ZNF680: variants seen among roughly 807,000 people sequenced by gnomAD.
The protein encoded by ZNF680 is zinc finger protein 680.
Under a neutral mutation model 12.1 loss-of-function variants are expected in ZNF680, and 6 were observed. The ratio of observed to expected loss-of-function variants is 0.49; its 90% confidence interval spans 0.27 to 0.98. The LOEUF (loss-of-function observed/expected upper bound fraction) is 0.98. ZNF680 is among the 50% of genes least tolerant of loss of function. The pLI is 0.12. For synonymous variants in ZNF680, 170 were observed against 199.3 expected (o/e 0.85, Z 1.24); for missense variants, 561 against 616.3 (o/e 0.91, Z 0.95).
At chr7:64,539,877 G>C (rs1786409283) in intron 3 of ZNF680, among the ~76,000 whole-genome samples, 3 of 151,788 alleles carry the variant, frequency 2.0e-5, no homozygotes, top group Admixed American at 2.0e-4. Context: ...CCAAATTTTG[G>C]GCTCAAGTGA....
intron 2 of ZNF680, 98 bp from the exon 3 acceptor site, chr7:64,543,900 G>T: frequency 3.0e-6 from 3 of 994,738 alleles, no homozygotes; most frequent in Non-Finnish European, 4.5e-6. Context: ...GCATATTCTA[G>T]TAAATTAATC....
chr7:64,522,957 A>G (rs1791625074), intron 3 of ZNF680, among the ~76,000 whole-genome samples: 2 of 152,070 alleles, frequency 1.3e-5, no homozygotes, highest in African/African-American at 4.8e-5. Flanking sequence ...AAACTTCCAA[A>G]ATAACCAAAT....
At chr7:64,558,928 G>C (rs897602066) in intron 1 of ZNF680, among the ~76,000 whole-genome samples, 1 of 151,920 alleles carries the variant, frequency 6.6e-6, no homozygotes, top group Non-Finnish European at 1.5e-5. Flanking sequence ...AAAGAGGAAA[G>C]AGCAAGTGGG....
At chr7:64,508,552 T>C in the ZNF680 span, among the ~76,000 whole-genome samples, 1 of 152,060 alleles carries the variant, frequency 6.6e-6, no homozygotes. Context: ...CAGACGGGAA[T>C]TACTAATCAG....
intron 3 of ZNF680, chr7:64,526,234 AAAGGCT>A (rs1791836170): frequency 3.7e-6 from 4 of 1,087,658 alleles, no homozygotes; most frequent in Non-Finnish European, 4.5e-6. Flanking sequence ...TGTAGATGAA[AAAGGCT>A]AAGAACTTCC....
At chr7:64,528,219 A>G (rs1785659855) in intron 3 of ZNF680, among the ~76,000 whole-genome samples, 2 of 152,160 alleles carry the variant, frequency 1.3e-5, no homozygotes, top group Admixed American at 6.5e-5. Flanking sequence ...GAGGGCAGCC[A>G]CAGGCACGAG....
intron 1 of ZNF680, chr7:64,560,885 G>C (rs978129610): frequency 5.3e-5 from 8 of 151,688 alleles, no homozygotes; most frequent in Non-Finnish European, 1.2e-4. Context: ...AAACAAAATA[G>C]TAAATGAGAA....
chr7:64,523,865 A>T (rs974535897), intron 3 of ZNF680, among the ~76,000 whole-genome samples: 3 of 151,744 alleles, frequency 2.0e-5, no homozygotes, highest in African/African-American at 7.3e-5. Flanking sequence ...GTGAGCTGAG[A>T]TCGCGCCACT....
chr7:64,536,802 C>T (rs1044168154), intron 3 of ZNF680, among the ~76,000 whole-genome samples: 2 of 152,186 alleles, frequency 1.3e-5, no homozygotes, highest in African/African-American at 2.4e-5. Context: ...GGTGCAGTGG[C>T]TCATGCCTAT....
chr7:64,536,997 G>A (rs1786202850), intron 3 of ZNF680, among the ~76,000 whole-genome samples: 1 of 152,172 alleles, frequency 6.6e-6, no homozygotes, highest in African/African-American at 2.4e-5. Context: ...TTGAGCCCAG[G>A]AGGCTGAGGC....
intron 3 of ZNF680, among the ~76,000 whole-genome samples, chr7:64,535,113 T>C (rs2116445252): frequency 6.6e-6 from 1 of 151,898 alleles, no homozygotes; most frequent in Non-Finnish European, 1.5e-5. Context: ...ACTAAAGAAC[T>C]TACTCATGGA....
chr7:64,539,437 C>CAGTAACAA (rs1441888658), intron 3 of ZNF680, among the ~76,000 whole-genome samples: 1 of 148,786 alleles, frequency 6.7e-6, no homozygotes, highest in Non-Finnish European at 1.5e-5. Flanking sequence ...TAAAATGAGC[C>CAGTAACAA]AGTAACAAAA....
Position 64,554,698 on chromosome 7 carries a change from G to A in ZNF680, c.30+8227C>T, listed in dbSNP as rs149994116. ...AATCTATAACCTTGCCCCCAACCCC[G>A]TGCTCTCTGAAACATGTGCTGTGTC... On this transcript the variant is annotated intron_variant, in intron 1 of 3. Transcript: ENST00000309683. 5.9e-3 allele frequency among the ~76,000 whole-genome samples: 894 copies of A among 152,238 alleles called. 23 individuals carry two copies. Among genetic ancestry groups the A allele is most frequent in the Admixed American group, 0.046 (696 of 15,284 alleles).
chr7:64,552,302 G>A (rs767888660), intron 1 of ZNF680, among the ~76,000 whole-genome samples: 2 of 152,052 alleles, frequency 1.3e-5, no homozygotes, highest in African/African-American at 4.8e-5. Flanking sequence ...ATCCACCCGC[G>A]TTGGCCTCCC....
At chr7:64,547,232 G>A (rs1786833636) in intron 1 of ZNF680, among the ~76,000 whole-genome samples, 2 of 152,180 alleles carry the variant, frequency 1.3e-5, no homozygotes, top group Admixed American at 6.5e-5. Context: ...TGTCAATGCT[G>A]ATGTTGCTCT....
At chr7:64,511,020 C>T in the ZNF680 span, among the ~76,000 whole-genome samples, 1 of 151,480 alleles carries the variant, frequency 6.6e-6, no homozygotes, top group African/African-American at 2.4e-5. Context: ...GCCTGTAATC[C>T]CAGCACTTTG....
intron 1 of ZNF680, among the ~76,000 whole-genome samples, chr7:64,550,704 C>T (rs1011731654): frequency 2.6e-5 from 4 of 152,132 alleles, no homozygotes; most frequent in Admixed American, 2.6e-4. Context: ...TTGGTCTAAC[C>T]TCTTTAAAAG....
At chr7:64,527,337 AAACT>A (rs1791916327) in intron 3 of ZNF680, among the ~76,000 whole-genome samples, 1 of 152,208 alleles carries the variant, frequency 6.6e-6, no homozygotes, top group Non-Finnish European at 1.5e-5. Flanking sequence ...CAATAACAAT[AAACT>A]GATAATAGTA....
intron 3 of ZNF680, chr7:64,526,561 A>T (rs1349340741): frequency 1.5e-5 from 3 of 197,328 alleles, no homozygotes; most frequent in South Asian, 1.5e-4. Context: ...TCCATTATTT[A>T]AAAAAAAAAA....
Sources: allele counts gnomAD v4.1 joint callset (sites outside exome capture counted in the v4.1 genomes callset), GRCh38; gene constraint gnomAD v4.1.1; transcripts MANE v1.5; gene names NCBI Gene and HGNC (gene_info 2026-07-23, HGNC 2026-07-21).